HSPA9: variants seen among roughly 807,000 people sequenced by gnomAD.
The protein encoded by HSPA9 is heat shock protein family A (Hsp70) member 9.
Under a neutral mutation model 81.5 loss-of-function variants are expected in HSPA9, and 28 were observed. That is an observed-to-expected ratio of 0.34 (90% CI 0.25 to 0.47). HSPA9 has a LOEUF of 0.47. HSPA9 is among the 20% of genes least tolerant of loss of function. The pLI, the probability that HSPA9 is intolerant of heterozygous loss-of-function variation, is 1.00. For missense variants in HSPA9, 678 were observed against 838.0 expected, an observed-to-expected ratio of 0.81 and a Z score of 2.36; for synonymous variants, 293 against 290.4, an observed-to-expected ratio of 1.01 and a Z score of -0.09.
intron 9 of HSPA9, among the ~76,000 whole-genome samples, chr5:138,563,669 G>A (rs193223537): frequency 9.0e-4 from 137 of 152,332 alleles, no homozygotes; most frequent in Admixed American, 3.7e-3. Context: ...TATCTAGGGA[G>A]AGACACCAAA....
At chr5:138,561,866 G>T in intron 9 of HSPA9, 77 bp from the exon 10 acceptor site, 1 of 1,120,986 alleles carries the variant, frequency 8.9e-7, no homozygotes, top group South Asian at 1.2e-5. Context: ...ACTAAAATAT[G>T]ACCATGCCCT....
intron 3 of HSPA9, among the ~76,000 whole-genome samples, chr5:138,571,558 C>G (rs528532942): frequency 6.6e-6 from 1 of 152,034 alleles, no homozygotes; most frequent in Non-Finnish European, 1.5e-5. Context: ...TGCACATCAA[C>G]AATACTACCG....
intron 9 of HSPA9, among the ~76,000 whole-genome samples, chr5:138,564,350 G>C (rs256017): frequency 3.4e-4 from 52 of 152,194 alleles, no homozygotes; most frequent in African/African-American, 1.1e-3. Flanking sequence ...GTGATTCACC[G>C]GCCTTGGCCT....
Position 138,574,116 on chromosome 5 carries a change from T to C in HSPA9, c.92A>G (p.Asn31Ser). The change falls in exon 2 of 17, where the codon AAT becomes AGT. Residue 31 changes from asparagine to serine, a missense_variant. Asn to Ser is a conservative substitution (Grantham distance 46). This residue lies in a region of HSPA9 where 89 missense variants were observed against 70.4 expected (regional missense o/e 1.27). Transcript: ENST00000297185. ...PTAARHQDSW[N>S]GLSHEAFRLV... The stretch of plus-strand genomic sequence containing the variant: ...TCTAAAAGCCTCATGACTAAGGCCA[T>C]TCCAGCTATCCTAAAAAAGAAAAAA... The C allele has an allele frequency of 6.2e-7, 1 of 1,613,728 alleles. No individual in the cohort carries two copies. The highest frequency in any genetic ancestry group is 8.5e-7 in the Non-Finnish European group (1 of 1,179,644).
At chr5:138,572,557 T>G (rs1321289181) in intron 3 of HSPA9, among the ~76,000 whole-genome samples, 2 of 152,224 alleles carry the variant, frequency 1.3e-5, no homozygotes, top group Non-Finnish European at 2.9e-5. Flanking sequence ...ACTCTGTACA[T>G]GCAACCTTTA....
At chr5:138,568,812 C>G (rs1185405196) in intron 5 of HSPA9, 113 bp downstream of exon 5, 3 of 1,135,594 alleles carry the variant, frequency 2.6e-6, no homozygotes, top group South Asian at 2.5e-5. Flanking sequence ...CCTAGTTTTT[C>G]TATACAAAAG....
At chr5:138,569,644 G>A (rs969925343) in intron 4 of HSPA9, among the ~76,000 whole-genome samples, 6 of 152,102 alleles carry the variant, frequency 3.9e-5, no homozygotes, top group Non-Finnish European at 7.4e-5. Flanking sequence ...AGAGGTCCAC[G>A]CAACTCCATG....
intron 3 of HSPA9, among the ~76,000 whole-genome samples, chr5:138,573,128 T>C (rs1346862053): frequency 6.6e-6 from 1 of 152,106 alleles, no homozygotes; most frequent in Non-Finnish European, 1.5e-5. Flanking sequence ...CTCTTGACCT[T>C]GTGATCCACC....
chr5:138,575,056 AGGCAAAACCTTG>A (rs1751057364), intron 1 of HSPA9, 170 bp downstream of exon 1: 2 of 613,676 alleles, frequency 3.3e-6, no homozygotes, highest in South Asian at 2.0e-5. Flanking sequence ...CCCAAGCCGG[AGGCAAAACCTTG>A]GGCAAAATCT....
intron 1 of HSPA9, chr5:138,575,016 C>G (rs1389500452): frequency 5.0e-6 from 3 of 598,868 alleles, no homozygotes; most frequent in African/African-American, 1.9e-5. Context: ...AAATGACACT[C>G]TAGATCGCGA....
rs10694028 is a variant in HSPA9 at position 138,571,812 on chromosome 5, TTG to T, written c.229-673_229-672del. On this transcript the variant is annotated intron_variant, in intron 3 of 16. Coordinates refer to ENST00000297185, the MANE Select transcript of HSPA9 (RefSeq NM_004134.7). Reference sequence around the variant, plus strand: ...TGCCTGCCACCACACCCAACTAATTTTGTGTGTGTGTGTGTGTGTGTGTACTT... The same window carrying T: ...TGCCTGCCACCACACCCAACTAATTTTGTGTGTGTGTGTGTGTGTGTACTT... Among the ~76,000 whole-genome samples, 142 of 146,276 alleles carry T rather than the reference TTG, an allele frequency of 9.7e-4. 2 individuals carry two copies. The highest frequency in any genetic ancestry group is 2.7e-3 in the African/African-American group (109 of 39,732).
intron 16 of HSPA9, 65 bp downstream of exon 16, chr5:138,556,387 G>A (rs1436254912): frequency 3.2e-6 from 5 of 1,568,008 alleles, no homozygotes; most frequent in Non-Finnish European, 4.4e-6. Flanking sequence ...AGCCACCAGT[G>A]ACAGTCATCA....
chr5:138,568,852 G>A (rs1750821335), intron 5 of HSPA9, 73 bp downstream of exon 5: 2 of 1,508,310 alleles, frequency 1.3e-6, no homozygotes, highest in African/African-American at 2.7e-5. Context: ...AGGAGCTGGA[G>A]CACAGGGAGC....
chr5:138,558,691 G>T, intron 11 of HSPA9, 34 bp from the exon 12 acceptor site: 1 of 1,256,778 alleles, frequency 8.0e-7, no homozygotes, highest in Non-Finnish European at 1.2e-6. Context: ...GGTTGTCAAT[G>T]TGATTAACCT....
In HSPA9 at chr5:138,564,235, C is replaced by G. The variant is rs145622339; in HGVS notation, c.972+2391G>C. Among the ~76,000 whole-genome samples the G allele has an allele frequency of 4.0e-3, 609 of 152,326 alleles. 4 individuals carry two copies. Among genetic ancestry groups the G allele is most frequent in the African/African-American group, 0.013 (558 of 41,578 alleles). On this transcript the variant is annotated intron_variant, in intron 9 of 16. Coordinates refer to ENST00000297185, the MANE Select transcript of HSPA9 (RefSeq NM_004134.7). ...TCTCCTGCCTCAGCCTACTGAGTAGCTGGGATTACAGGCACCTGCAACCAC... is the reference window on the plus strand; with the variant it reads ...TCTCCTGCCTCAGCCTACTGAGTAGGTGGGATTACAGGCACCTGCAACCAC...
Position 138,556,203 on chromosome 5 carries a change from T to C in HSPA9, c.1963-89A>G, listed in dbSNP as rs576515857. The stretch of plus-strand genomic sequence containing the variant: ...TGCACTCCAAGATGAGGGACCCACA[T>C]ATGTCCTCATCATTCATTTCTATTC... On this transcript the variant is annotated intron_variant, in intron 16 of 16. Transcript: ENST00000297185. The C allele has an allele frequency of 3.0e-4, 328 of 1,106,404 alleles. 2 individuals are homozygous for C. The South Asian group carries it at 3.7e-3, about 13-fold the overall frequency. 68.5% of individuals were successfully genotyped at this position (1,106,404 alleles called of 1,614,324 possible).
At chr5:138,572,895 CTCT>C (rs750876619) in intron 3 of HSPA9, among the ~76,000 whole-genome samples, 41 of 151,744 alleles carry the variant, frequency 2.7e-4, no homozygotes, top group Admixed American at 1.9e-3. Context: ...GATCTATAGT[CTCT>C]TCTTTTTTTT....
At chr5:138,571,551 A>C (rs1750890621) in intron 3 of HSPA9, among the ~76,000 whole-genome samples, 1 of 152,184 alleles carries the variant, frequency 6.6e-6, no homozygotes, top group South Asian at 2.1e-4. Context: ...AAACAAATGC[A>C]CATCAACAAT....
intron 10 of HSPA9, chr5:138,561,175 G>T: frequency 2.4e-6 from 1 of 425,466 alleles, no homozygotes; most frequent in Admixed American, 2.4e-5. Context: ...GGCCGGGGGC[G>T]GGGTATTACC....
Sources: gnomAD v4.1 joint callset for allele counts (sites outside exome capture counted in the v4.1 genomes callset) on GRCh38, gnomAD v4.1.1 for gene constraint, gnomAD v4.1.1 regional missense constraint, MANE v1.5 for transcripts, NCBI Gene and HGNC (gene_info 2026-07-23, HGNC 2026-07-21) for gene names.